MMP10: variants seen among roughly 807,000 people sequenced by gnomAD.
MMP10 encodes the protein stromelysin-2.
In MMP10, 50 loss-of-function variants were observed where a neutral mutation model predicts 49.1. That is an observed-to-expected ratio of 1.02 (90% CI 0.81 to 1.29). The LOEUF (loss-of-function observed/expected upper bound fraction) is 1.29. Among genes scored for constraint, MMP10 ranks in the 50% most tolerant of loss-of-function variants. MMP10 has a pLI of 0.00. For synonymous variants in MMP10, 229 were observed against 201.6 expected, an observed-to-expected ratio of 1.14 and a Z score of -1.15; for missense variants, 613 against 563.8, an observed-to-expected ratio of 1.09 and a Z score of -0.88.
rs1857813792 is a variant in MMP10 at position 102,780,468 on chromosome 11, A to G, written c.105+19T>C. The G allele has an allele frequency of 2.5e-6, 4 of 1,609,400 alleles. No individual in the cohort carries two copies. The highest frequency in any genetic ancestry group is 3.4e-6 in the Non-Finnish European group (4 of 1,176,004). Reference sequence around the variant, plus strand: ...AATTGAGCTGGCCAGTAGCTGCAATAGATGCCACCGTTAATTACCTGGGCA... The same window carrying G: ...AATTGAGCTGGCCAGTAGCTGCAATGGATGCCACCGTTAATTACCTGGGCA... On this transcript the variant is annotated intron_variant, in intron 1 of 9. Transcript: ENST00000279441.
chr11:102,777,417 G>T (rs1006396151), intron 4 of MMP10, among the ~76,000 whole-genome samples: 4 of 151,580 alleles, frequency 2.6e-5, no homozygotes, highest in African/African-American at 9.7e-5. Context: ...TACCATGCCC[G>T]GCTAATTTTT....
Position 102,779,638 on chromosome 11 carries a change from C to A in MMP10, c.213G>T (p.Gly71=), listed in dbSNP as rs745426299. The change falls in exon 2 of 10, where the codon GGG becomes GGT. Residue 71 remains glycine, a synonymous_variant. Transcript: ENST00000279441. ...KKIQGMQKFL[G]LEVTGKLDTD... is the part of the protein sequence containing the mutation. ...TGTCTAGCTTCCCTGTCACCTCCAA[C>A]CCAAGGAACTTCTGCATTCCTTGGA... 26 of 1,613,918 alleles carry A rather than the reference C, an allele frequency of 1.6e-5. No homozygotes were observed. Among genetic ancestry groups the A allele is most frequent in the Non-Finnish European group, 2.0e-5 (24 of 1,180,006 alleles).
At chr11:102,777,007 C>A (rs1444582814) in intron 4 of MMP10, among the ~76,000 whole-genome samples, 1 of 152,138 alleles carries the variant, frequency 6.6e-6, no homozygotes, top group African/African-American at 2.4e-5. Flanking sequence ...CTCCCTAGAT[C>A]CCTCCTTGGT....
At chr11:102,775,378 A>T in intron 6 of MMP10, 57 bp from the exon 7 acceptor site, 4 of 1,473,810 alleles carry the variant, frequency 2.7e-6, no homozygotes, top group Non-Finnish European at 2.7e-6. Context: ...GTGAAAAAAA[A>T]ATTCTTTTTT....
chr11:102,777,168 C>T lies in MMP10; in HGVS notation c.623-392G>A, dbSNP rs187789705. Among the ~76,000 whole-genome samples the T allele has an allele frequency of 7.0e-4, 107 of 152,288 alleles. 1 individual carries two copies. The highest frequency in any genetic ancestry group is 3.4e-3 in the Middle Eastern group (1 of 294). ...AAGTCATTGTTCAAATTTAGGAACACTTGCCAGTTGCAACCTTGGTTAAAA... is the reference window on the plus strand; with the variant it reads ...AAGTCATTGTTCAAATTTAGGAACATTTGCCAGTTGCAACCTTGGTTAAAA... On this transcript the variant is annotated intron_variant, in intron 4 of 9. Coordinates refer to ENST00000279441, the MANE Select transcript of MMP10 (RefSeq NM_002425.3).
intron 3 of MMP10, 87 bp downstream of exon 3, chr11:102,779,126 G>A (rs547019781): frequency 4.1e-5 from 63 of 1,532,610 alleles, no homozygotes; most frequent in Middle Eastern, 2.4e-4. Flanking sequence ...AATTTCTGTT[G>A]TTTATAAATT....
intron 6 of MMP10, among the ~76,000 whole-genome samples, chr11:102,775,708 G>A (rs988666388): frequency 2.6e-5 from 4 of 152,072 alleles, no homozygotes; most frequent in Non-Finnish European, 5.9e-5. Context: ...TTTTAACTCC[G>A]TATCTTTTGG....
rs17293607 is a variant in MMP10, at chr11:102,779,658, C to G, written c.193G>C (p.Gly65Arg). The change falls in exon 2 of 10, where the codon GGA (glycine) becomes CGA (arginine). Residue 65 changes from glycine to arginine, a missense_variant. By Grantham distance (125) the Gly-to-Arg change is moderately radical (BLOSUM62 -2). Transcript: ENST00000279441. The stretch of plus-strand genomic sequence containing the variant: ...TCCAACCCAAGGAACTTCTGCATTC[C>G]TTGGATTTTTTTAACAATGAGATTA... ...DSNLIVKKIQ[G>R]MQKFLGLEVT... 1.2e-6 allele frequency: 2 copies of G among 1,613,672 alleles called. No individual in the cohort carries two copies. The highest frequency in any genetic ancestry group is 8.5e-7 in the Non-Finnish European group (1 of 1,179,910).
chr11:102,772,143 A>G lies in MMP10; in HGVS notation c.1227-28T>C. The G allele has an allele frequency of 7.1e-7, 1 of 1,398,756 alleles. No homozygotes were observed. The highest frequency in any genetic ancestry group is 1.0e-6 in the Non-Finnish European group (1 of 985,552). The allele number at this position is 1,398,756 out of a possible 1,614,324, so 86.6% of individuals were successfully genotyped here. ...AAACCAAATGAAAGAAATACAGTTC[A>G]ATGATGTGCAGTAGTCCCATTACAC... On this transcript the variant is annotated intron_variant, in intron 8 of 9. Coordinates refer to ENST00000279441, the MANE Select transcript of MMP10 (RefSeq NM_002425.3). The surrounding 1 kb of genome is among the most constrained non-coding windows in gnomAD (Gnocchi z 4.4).
In MMP10 at chr11:102,772,891, C is replaced by T. The variant is rs772511075; in HGVS notation, c.1182G>A (p.Lys394=). 1.1e-5 allele frequency: 17 copies of T among 1,613,280 alleles called. No homozygotes were observed. Among genetic ancestry groups the T allele is most frequent in the Non-Finnish European group, 1.4e-5 (17 of 1,179,648 alleles). ...IRKIDAAVSD[K]EKKKTYFFAA... ...CAAAGAAGTATGTTTTCTTCTTTTCCTTGTCAGAAACAGCTGCATCAATTT... is the reference window on the plus strand; with the variant it reads ...CAAAGAAGTATGTTTTCTTCTTTTCTTTGTCAGAAACAGCTGCATCAATTT... The change falls in exon 8 of 10, where the codon AAG becomes AAA. Residue 394 remains lysine, a synonymous_variant. Transcript: ENST00000279441. The surrounding 1 kb of genome is among the most constrained non-coding windows in gnomAD (Gnocchi z 4.4).
Sources: gnomAD v4.1 joint callset for allele counts (sites outside exome capture counted in the v4.1 genomes callset) on GRCh38, gnomAD v4.1.1 for gene constraint, Gnocchi (gnomAD v3.1) non-coding constraint, MANE v1.5 for transcripts, NCBI Gene and HGNC (gene_info 2026-07-23, HGNC 2026-07-21) for gene names.